The following LENG9 variants were observed in gnomAD, a reference collection of about 807,000 sequenced individuals.
LENG9 encodes leukocyte receptor cluster (LRC) member 9.
For synonymous variants in LENG9, 410 were observed against 303.9 expected (o/e 1.35, Z -3.63); for missense variants, 872 against 652.7 (o/e 1.34, Z -3.66).
Position 54,463,268 on chromosome 19 carries a change from C to T in LENG9, c.259G>A (p.Val87Met). The change falls in exon 1 of 1, where the codon GTG becomes ATG. Residue 87 changes from valine (V) to methionine (M), a missense_variant. Val to Met is a conservative substitution (Grantham distance 21). Transcript: ENST00000611161. ...CCCAGAAAGCGGTCGACGTAGCCCA[C>T]CGAGAAGTCGGCGGGGTCGAGGCGC... ...DPRLDPADFSVGYVDRFLGVR... is the reference protein window; with the variant it reads ...DPRLDPADFSMGYVDRFLGVR... The T allele has an allele frequency of 1.3e-6, 2 of 1,542,970 alleles. No individual in the cohort carries two copies. Among genetic ancestry groups the T allele is most frequent in the Non-Finnish European group, 1.7e-6 (2 of 1,150,510 alleles).
In LENG9 at chr19:54,462,919, GGTT is replaced by G. The variant is rs1322589170; in HGVS notation, c.605_607del (p.Glu202_Pro203delinsAla). ...CAGCTCTCCGGGTTCCTCCACGCCT[GGTT>G]CCTGGTGCCCTGTGCAGAGCGGCCT... On this transcript the variant is annotated inframe_deletion, in exon 1 of 1. Transcript: ENST00000611161. The G allele has an allele frequency of 6.2e-7, 1 of 1,612,330 alleles. No individual in the cohort carries two copies. Among genetic ancestry groups the G allele is most frequent in the Non-Finnish European group, 8.5e-7 (1 of 1,179,954 alleles).
At position 54,463,369 on chromosome 19, in the gene LENG9, G is replaced by C. The variant is rs569110087; in HGVS notation, c.158C>G (p.Ala53Gly). 106 of 1,321,306 alleles carry C rather than the reference G, an allele frequency of 8.0e-5. No homozygotes were observed. In the African/African-American group the frequency reaches 1.6e-3, roughly 20 times the overall value. 81.8% of individuals were successfully genotyped at this position (1,321,306 alleles called of 1,614,324 possible). A position where few individuals can be genotyped will look rare whatever the true frequency, so the allele number is the denominator to read the frequency against. ...PGAPAPPGRE[A>G]QPEAGAKKPP... is the part of the protein sequence containing the mutation. ...CTTCTTGGCCCCGGCCTCCGGCTGC[G>C]CCTCGCGGCCAGGCGGCGCCGGCGC... Residue 53 changes from alanine (A) to glycine (G), a missense_variant, in exon 1 of 1, where the codon GCG (alanine) becomes GGG (glycine). Transcript: ENST00000611161.
Position 54,463,765 on chromosome 19 carries a change from C to G in LENG9, c.-239G>C, listed in dbSNP as rs560135188. Reference sequence around the variant, plus strand: ...GCGCCCTCCCCCAGCGCCAGGAAAGCAAGCTGCGTAAAGGCTGCGGCAGTC... The same window carrying G: ...GCGCCCTCCCCCAGCGCCAGGAAAGGAAGCTGCGTAAAGGCTGCGGCAGTC... On this transcript the variant is annotated 5_prime_UTR_variant, in exon 1 of 1. Coordinates refer to ENST00000611161, the MANE Select transcript of LENG9 (RefSeq NM_001301782.2). The G allele has an allele frequency of 4.3e-4, 197 of 462,988 alleles. No homozygotes were observed. The highest frequency in any genetic ancestry group is 6.1e-4 in the Non-Finnish European group (175 of 288,608). The allele number at this position is 462,988 out of a possible 1,614,324, so 28.7% of individuals were successfully genotyped here.
rs1469652263 is a variant in LENG9, at chr19:54,462,781, G to C, written c.746C>G (p.Thr249Ser). ...EALKPTAATR[T>S]TLLGGKEAQA... ...TGCTTCCTTGCCCCCCAGCAATGTG[G>C]TCCTGGTGGCTGCTGTTGGCTTCAG... Residue 249 changes from threonine to serine, a missense_variant, in exon 1 of 1, where the codon ACC becomes AGC. Physicochemically the swap from Thr to Ser is moderately conservative, Grantham distance 58. Transcript: ENST00000611161. 1.2e-6 allele frequency: 2 copies of C among 1,608,594 alleles called. No individual in the cohort carries two copies. Among genetic ancestry groups the C allele is most frequent in the Non-Finnish European group, 1.7e-6 (2 of 1,179,268 alleles).
rs769207484 is a variant in LENG9, at chr19:54,463,423, C to T, written c.104G>A (p.Gly35Asp). The T allele has an allele frequency of 1.6e-6, 2 of 1,242,412 alleles. No homozygotes were observed. The highest frequency in any genetic ancestry group is 3.3e-5 in the South Asian group (1 of 30,042). 77.0% of individuals were successfully genotyped at this position (1,242,412 alleles called of 1,614,324 possible). A position where few individuals can be genotyped will look rare whatever the true frequency, so the allele number is the denominator to read the frequency against. ...AGGGTGGGGCTGGCGGCAGCGGGCG[C>T]CGAAGCGGCAGCGGCCTTCCAGGAA... ...RFFLEGRCRF[G>D]ARCRQPHPGA... Residue 35 changes from glycine to aspartate, a missense_variant, in exon 1 of 1, where the codon GGC becomes GAC. Transcript: ENST00000611161.
rs2123271294 is a variant in LENG9 at position 54,463,624 on chromosome 19, C to G, written c.-98G>C. ...ACCGAGCCTCACCCGACAGTGGCGTCAGCGGCCCGCGCTCCGGCCTAGCTC... is the reference window on the plus strand; with the variant it reads ...ACCGAGCCTCACCCGACAGTGGCGTGAGCGGCCCGCGCTCCGGCCTAGCTC... On this transcript the variant is annotated 5_prime_UTR_variant, in exon 1 of 1. Transcript: ENST00000611161. 2 of 1,260,240 alleles carry G rather than the reference C, an allele frequency of 1.6e-6. No homozygotes were observed. The highest frequency in any genetic ancestry group is 2.0e-6 in the Non-Finnish European group (2 of 996,374). 78.1% of individuals were successfully genotyped at this position (1,260,240 alleles called of 1,614,324 possible). A position where few individuals can be genotyped will look rare whatever the true frequency, so the allele number is the denominator to read the frequency against.
chr19:54,462,624 C>T lies in LENG9; in HGVS notation c.903G>A (p.Val301=). Residue 301 remains valine (V), a synonymous_variant, in exon 1 of 1, where the codon GTG becomes GTA. Coordinates refer to ENST00000611161, the MANE Select transcript of LENG9 (RefSeq NM_001301782.2). ...APCQPRPTHF[V]ALMVTEPGLQ... is the part of the protein sequence containing the mutation. ...GCCCAGGCTCGGTCACCATGAGGGCCACAAAATGTGTGGGGCGCGGTTGGC... is the reference window on the plus strand; with the variant it reads ...GCCCAGGCTCGGTCACCATGAGGGCTACAAAATGTGTGGGGCGCGGTTGGC... 1 of 1,613,694 alleles carries T rather than the reference C, an allele frequency of 6.2e-7. No individual in the cohort carries two copies. Among genetic ancestry groups the T allele is most frequent in the Non-Finnish European group, 8.5e-7 (1 of 1,180,024 alleles).
In LENG9 at chr19:54,463,747, C is replaced by G. The variant is rs1600040397; in HGVS notation, c.-221G>C. ...CTCTGGGACTTCCCGGCTGCGCCCTCCCCCAGCGCCAGGAAAGCAAGCTGC... is the reference window on the plus strand; with the variant it reads ...CTCTGGGACTTCCCGGCTGCGCCCTGCCCCAGCGCCAGGAAAGCAAGCTGC... On this transcript the variant is annotated 5_prime_UTR_variant, in exon 1 of 1. Coordinates refer to ENST00000611161, the MANE Select transcript of LENG9 (RefSeq NM_001301782.2). The G allele has an allele frequency of 7.4e-6, 4 of 539,926 alleles. No individual in the cohort carries two copies. The East Asian group carries it at 1.2e-4, about 16-fold the overall frequency. The allele number at this position is 539,926 out of a possible 1,614,324, so 33.4% of individuals were successfully genotyped here.
In LENG9 at chr19:54,463,062, C is replaced by T. The variant is rs1307716976; in HGVS notation, c.465G>A (p.Gly155=). 3.7e-6 allele frequency: 6 copies of T among 1,601,376 alleles called. No individual in the cohort carries two copies. The South Asian group carries it at 6.6e-5, about 18-fold the overall frequency. Reference sequence around the variant, plus strand: ...TGTTCGGTGCGTCCAGGATGGTGGGCCCGCGTCCCGCCGCCGAGCCAGAGC... The same window carrying T: ...TGTTCGGTGCGTCCAGGATGGTGGGTCCGCGTCCCGCCGCCGAGCCAGAGC... ...VFGSGSAAGR[G]PTILDAPNTE... is the part of the protein sequence containing the mutation. Residue 155 remains glycine, a synonymous_variant, in exon 1 of 1, where the codon GGG becomes GGA. Transcript: ENST00000611161.
rs1381847718 is a variant in LENG9 at position 54,462,114 on chromosome 19, G to A, written c.1413C>T (p.Pro471=). The A allele has an allele frequency of 6.4e-7, 1 of 1,572,702 alleles. No homozygotes were observed. The highest frequency in any genetic ancestry group is 1.2e-5 in the South Asian group (1 of 85,922). ...GTCACTCCAGGGGGATCTCAGCCAGGGGCTGGAAAGGCCCCCCTGTCCTCC... is the reference window on the plus strand; with the variant it reads ...GTCACTCCAGGGGGATCTCAGCCAGAGGCTGGAAAGGCCCCCCTGTCCTCC... ...RIGRTGGPFQ[P]LAEIPLE The change falls in exon 1 of 1, where the codon CCC becomes CCT. Residue 471 remains proline, a synonymous_variant. Coordinates refer to ENST00000611161, the MANE Select transcript of LENG9 (RefSeq NM_001301782.2).
In LENG9 at chr19:54,462,466, G is replaced by A. The variant is rs1006395086; in HGVS notation, c.1061C>T (p.Ala354Val). The A allele has an allele frequency of 1.2e-6, 2 of 1,613,308 alleles. No individual in the cohort carries two copies. The highest frequency in any genetic ancestry group is 2.7e-5 in the African/African-American group (2 of 74,954). ...LLRLAGAGEE[A>V]AAIGALRRAL... ...CCGTCTCAGAGCTCCAATGGCAGCG[G>A]CCTCCTCCCCAGCGCCTGCCAGTCG... The change falls in exon 1 of 1, where the codon GCC (alanine) becomes GTC (valine). Residue 354 changes from alanine (A) to valine (V), a missense_variant. Coordinates refer to ENST00000611161, the MANE Select transcript of LENG9 (RefSeq NM_001301782.2).
In LENG9 at chr19:54,463,252, C is replaced by A. The variant is rs774219385; in HGVS notation, c.275G>T (p.Arg92Leu). 14 of 1,536,318 alleles carry A rather than the reference C, an allele frequency of 9.1e-6. No individual in the cohort carries two copies. Among genetic ancestry groups the A allele is most frequent in the Non-Finnish European group, 1.2e-5 (14 of 1,147,152 alleles). The stretch of plus-strand genomic sequence containing the variant: ...GGGCTCCTCGCGCACACCCAGAAAG[C>A]GGTCGACGTAGCCCACCGAGAAGTC... Reference protein sequence around the residue: ...PADFSVGYVDRFLGVREEPFS... With the variant: ...PADFSVGYVDLFLGVREEPFS... Residue 92 changes from arginine (R) to leucine (L), a missense_variant, in exon 1 of 1, where the codon CGC becomes CTC. Physicochemically the swap from Arg to Leu is moderately radical, Grantham distance 102. Transcript: ENST00000611161.
rs1000128531 is a variant in LENG9, at chr19:54,461,898, T to C, written c.*192A>G. ...AGGCTGCTTTTTTTCCAGATGTTCC[T>C]CCTCTGCCTCCCCTTCCCCTCCTCT... On this transcript the variant is annotated 3_prime_UTR_variant, in exon 1 of 1. Transcript: ENST00000611161. The C allele has an allele frequency of 6.5e-6, 5 of 773,496 alleles. No individual in the cohort carries two copies. Among genetic ancestry groups the C allele is most frequent in the African/African-American group, 1.7e-5 (1 of 58,154 alleles). 47.9% of individuals were successfully genotyped at this position (773,496 alleles called of 1,614,324 possible).
chr19:54,462,924 C>T lies in LENG9; in HGVS notation c.603G>A (p.Gln201=). The T allele has an allele frequency of 2.5e-6, 4 of 1,612,408 alleles. No homozygotes were observed. The highest frequency in any genetic ancestry group is 3.4e-6 in the Non-Finnish European group (4 of 1,179,962). ...CTCCGGGTTCCTCCACGCCTGGTTC[C>T]TGGTGCCCTGTGCAGAGCGGCCTTG... ...GSTRPLCTGH[Q]EPGVEEPGEL... Residue 201 remains glutamine, a synonymous_variant, in exon 1 of 1, where the codon CAG becomes CAA. Coordinates refer to ENST00000611161, the MANE Select transcript of LENG9 (RefSeq NM_001301782.2).
In LENG9 at chr19:54,462,932, C is replaced by G; in HGVS notation, c.595G>C (p.Gly199Arg). Residue 199 changes from glycine to arginine, a missense_variant, in exon 1 of 1, where the codon GGG becomes CGG. Coordinates refer to ENST00000611161, the MANE Select transcript of LENG9 (RefSeq NM_001301782.2). ...KRGSTRPLCT[G>R]HQEPGVEEPG... ...TCCTCCACGCCTGGTTCCTGGTGCC[C>G]TGTGCAGAGCGGCCTTGTGCTCCCT... is the stretch of plus-strand genomic sequence containing the variant. 1.2e-6 allele frequency: 2 copies of G among 1,612,104 alleles called. No individual in the cohort carries two copies. Among genetic ancestry groups the G allele is most frequent in the South Asian group, 2.2e-5 (2 of 91,086 alleles).
rs2084646723 is a variant in LENG9, at chr19:54,463,044, T to G, written c.483A>C (p.Ala161=). The G allele has an allele frequency of 6.2e-7, 1 of 1,602,696 alleles. No individual in the cohort carries two copies. ...AAGRGPTILD[A]PNTEGAHGAE... ...CCCCGTGGGCGCCCTCGGTGTTCGG[T>G]GCGTCCAGGATGGTGGGCCCGCGTC... The change falls in exon 1 of 1, where the codon GCA becomes GCC. Residue 161 remains alanine, a synonymous_variant. Transcript: ENST00000611161.
rs1555994297 is a variant in LENG9 at position 54,462,144 on chromosome 19, A to G, written c.1383T>C (p.Arg461=). The G allele has an allele frequency of 1.2e-6, 2 of 1,603,452 alleles. No homozygotes were observed. Among genetic ancestry groups the G allele is most frequent in the Non-Finnish European group, 1.7e-6 (2 of 1,173,954 alleles). ...GGAAAGGCCCCCCTGTCCTCCCTAT[A>G]CGGCACAGCCAGAGTGTCTGCAGGG... ...CQPLQTLWLC[R]IGRTGGPFQP... is the part of the protein sequence containing the mutation. The change falls in exon 1 of 1, where the codon CGT becomes CGC. Residue 461 remains arginine (R), a synonymous_variant. Coordinates refer to ENST00000611161, the MANE Select transcript of LENG9 (RefSeq NM_001301782.2).
Position 54,462,125 on chromosome 19 carries a change from G to A in LENG9, c.1402C>T (p.Pro468Ser), listed in dbSNP as rs781603076. 6.3e-7 allele frequency: 1 copy of A among 1,580,112 alleles called. No homozygotes were observed. The highest frequency in any genetic ancestry group is 8.6e-7 in the Non-Finnish European group (1 of 1,161,852). The change falls in exon 1 of 1, where the codon CCT becomes TCT. Residue 468 changes from proline (P) to serine (S), a missense_variant. Transcript: ENST00000611161. ...GGGATCTCAGCCAGGGGCTGGAAAG[G>A]CCCCCCTGTCCTCCCTATACGGCAC... ...WLCRIGRTGG[P>S]FQPLAEIPLE
chr19:54,463,672 C>A lies in LENG9; in HGVS notation c.-146G>T. On this transcript the variant is annotated 5_prime_UTR_variant, in exon 1 of 1. Transcript: ENST00000611161. ...CTCTGGGGACCACGCCGCGTGCCCTCGCGAGGACTCTGGCCCAGTCCCTCC... is the reference window on the plus strand; with the variant it reads ...CTCTGGGGACCACGCCGCGTGCCCTAGCGAGGACTCTGGCCCAGTCCCTCC... The A allele has an allele frequency of 1.2e-5, 13 of 1,114,712 alleles. No homozygotes were observed. The highest frequency in any genetic ancestry group is 1.5e-5 in the Non-Finnish European group (13 of 870,262). The allele number at this position is 1,114,712 out of a possible 1,614,324, so 69.1% of individuals were successfully genotyped here.
Sources: allele counts gnomAD v4.1 joint callset, GRCh38; gene constraint gnomAD v4.1.1; transcripts MANE v1.5; gene names NCBI Gene and HGNC (gene_info 2026-07-23, HGNC 2026-07-21).